RCAN1: variants seen among roughly 807,000 people sequenced by gnomAD.
RCAN1 encodes regulator of calcineurin 1, also known as calcipressin-1.
RCAN1 carries 11 observed loss-of-function variants against 22.9 expected under a neutral mutation model. The observed-to-expected ratio is 0.48, with a 90% confidence interval of 0.30 to 0.79. The LOEUF (loss-of-function observed/expected upper bound fraction) is 0.79. Among genes scored for constraint, RCAN1 ranks in the 30% least tolerant of loss-of-function variants. The probability of loss-of-function intolerance (pLI) is 0.06; values close to 1 mark genes in which losing one functional copy is unlikely to be tolerated. For missense variants in RCAN1, 291 were observed against 337.8 expected, an observed-to-expected ratio of 0.86 and a Z score of 1.09; for synonymous variants, 136 against 142.3, an observed-to-expected ratio of 0.96 and a Z score of 0.32.
At chr21:34,568,313 C>T (rs570885561) in intron 1 of RCAN1, among the ~76,000 whole-genome samples, 2 of 152,236 alleles carry the variant, frequency 1.3e-5, no homozygotes, top group African/African-American at 4.8e-5. Context: ...TGCAAATCTC[C>T]CCCCTGCCTC....
At chr21:34,596,229 A>G (rs1988147552) in intron 1 of RCAN1, among the ~76,000 whole-genome samples, 1 of 152,126 alleles carries the variant, frequency 6.6e-6, no homozygotes, top group South Asian at 2.1e-4. Context: ...GGCCTTCTTA[A>G]CCTCTAAGCT....
At chr21:34,548,932 G>T (rs941977022) in intron 1 of RCAN1, among the ~76,000 whole-genome samples, 1 of 152,116 alleles carries the variant, frequency 6.6e-6, no homozygotes, top group African/African-American at 2.4e-5. Context: ...TATTTTGTGC[G>T]CTTGTTTCTT....
At position 34,521,621 on chromosome 21, in the gene RCAN1, T is replaced by C; in HGVS notation, c.464A>G (p.Asn155Ser). The C allele has an allele frequency of 6.2e-7, 1 of 1,613,880 alleles. No homozygotes were observed. Among genetic ancestry groups the C allele is most frequent in the Non-Finnish European group, 8.5e-7 (1 of 1,179,872 alleles). ...GGAGATCAGAAACTGCTTGTCTGGA[T>C]TTGGCGGAGCCAGGTGTGAGCTTCC... ...HIGSSHLAPP[N>S]PDKQFLISPP... Residue 155 changes from asparagine (N) to serine (S), a missense_variant, in exon 3 of 4, where the codon AAT becomes AGT. Physicochemically the swap from Asn to Ser is conservative, Grantham distance 46 (BLOSUM62 1). Transcript: ENST00000313806.
At chr21:34,579,343 C>A (rs981059886) in intron 1 of RCAN1, among the ~76,000 whole-genome samples, 2 of 152,130 alleles carry the variant, frequency 1.3e-5, no homozygotes, top group Admixed American at 6.5e-5. Flanking sequence ...GCAGAGGCTG[C>A]AGTGAGCTGA....
rs143577072 is a variant in RCAN1, at chr21:34,567,303, A to T, written c.253-43593T>A. On this transcript the variant is annotated intron_variant, in intron 1 of 3. Coordinates refer to ENST00000313806, the MANE Select transcript of RCAN1 (RefSeq NM_004414.7). ...GAGGTCAGGAGAATCGAGACCATCC[A>T]GGCTAACATGGTGAAACCCTATCTC... Among the ~76,000 whole-genome samples the T allele has an allele frequency of 7.5e-3, 1,142 of 152,292 alleles. 12 individuals are homozygous for T. Among genetic ancestry groups the T allele is most frequent in the African/African-American group, 0.025 (1,054 of 41,570 alleles).
At chr21:34,537,003 A>G (rs527338130) in intron 1 of RCAN1, among the ~76,000 whole-genome samples, 1 of 152,332 alleles carries the variant, frequency 6.6e-6, no homozygotes, top group East Asian at 1.9e-4. Context: ...CCAACAGGGC[A>G]CTGCAAACGC....
At position 34,601,921 on chromosome 21, in the gene RCAN1, T is replaced by C. The variant is rs1236239169; in HGVS notation, c.252+12839A>G. ...ATAGACACCTTCACACTCACTGCAC[T>C]CTCAGCTGAGCCATGAAAATTACTA... On this transcript the variant is annotated intron_variant, in intron 1 of 3. Transcript: ENST00000313806. 2.6e-5 allele frequency among the ~76,000 whole-genome samples: 4 copies of C among 151,544 alleles called. No homozygotes were observed. In the East Asian group the frequency reaches 7.8e-4, roughly 29 times the overall value.
intron 1 of RCAN1, among the ~76,000 whole-genome samples, chr21:34,603,101 G>T (rs1273989165): frequency 6.6e-6 from 1 of 151,544 alleles, no homozygotes; most frequent in East Asian, 2.0e-4. Context: ...TATAATAATA[G>T]CTTCTCTGCA....
At chr21:34,526,557 C>T in intron 1 of RCAN1, 2 of 1,185,680 alleles carry the variant, frequency 1.7e-6, no homozygotes, top group Non-Finnish European at 2.3e-6. Flanking sequence ...TTTCAAAACC[C>T]CCAAACCCAC....
At position 34,563,711 on chromosome 21, in the gene RCAN1, C is replaced by T. The variant is rs555311093; in HGVS notation, c.253-40001G>A. On this transcript the variant is annotated intron_variant, in intron 1 of 3. Coordinates refer to ENST00000313806, the MANE Select transcript of RCAN1 (RefSeq NM_004414.7). ...ATCACTTGATGTCAGGAGTTCCAGA[C>T]CAGCCTGGCCAACATGGTGAAACCC... Among the ~76,000 whole-genome samples, 121 of 145,934 alleles carry T rather than the reference C, an allele frequency of 8.3e-4. 1 individual carries two copies. The highest frequency in any genetic ancestry group is 1.5e-3 in the Non-Finnish European group (99 of 67,080).
intron 2 of RCAN1, 112 bp from the exon 3 acceptor site, chr21:34,521,770 G>T: frequency 1.2e-6 from 1 of 853,316 alleles, no homozygotes; most frequent in Non-Finnish European, 1.8e-6. Context: ...CAGGCGTCAG[G>T]ACAGGTGTGA....
At chr21:34,607,799 C>T (rs944227572) in intron 1 of RCAN1, among the ~76,000 whole-genome samples, 12 of 152,196 alleles carry the variant, frequency 7.9e-5, no homozygotes, top group Non-Finnish European at 1.5e-4. Flanking sequence ...CGCCAACCTC[C>T]GGACCACAGA....
chr21:34,519,397 C>CTTTTTTTTTTTTTTTTTTTT (rs34152667), intron 3 of RCAN1, among the ~76,000 whole-genome samples: 2 of 102,786 alleles, frequency 1.9e-5, no homozygotes, highest in African/African-American at 3.7e-5. Flanking sequence ...TTCTTTCTTT[C>CTTTTTTTTTTTTTTTTTTTT]TTTTTTTTTT....
chr21:34,609,462 C>T (rs572289701), intron 1 of RCAN1, among the ~76,000 whole-genome samples: 3 of 152,294 alleles, frequency 2.0e-5, no homozygotes, highest in South Asian at 2.1e-4. Flanking sequence ...AGGAGTGATG[C>T]GTTCTCAGAC....
At chr21:34,580,594 G>C (rs760274884) in intron 1 of RCAN1, among the ~76,000 whole-genome samples, 2 of 152,236 alleles carry the variant, frequency 1.3e-5, no homozygotes, top group Non-Finnish European at 2.9e-5. Context: ...GGCCAGGCAG[G>C]CTCCTTGGAG....
intron 1 of RCAN1, among the ~76,000 whole-genome samples, chr21:34,534,570 G>A (rs2834505): frequency 0.36 from 55,363 of 151,958 alleles, 11,225 homozygotes; most frequent in African/African-American, 0.56. Context: ...ACCAAAATTC[G>A]GAGAACTGCA....
intron 2 of RCAN1, chr21:34,521,900 G>C (rs750706602): frequency 2.0e-6 from 1 of 508,836 alleles, no homozygotes; most frequent in Non-Finnish European, 3.5e-6. Flanking sequence ...CAGGCACAGG[G>C]ACTGCAAATA....
chr21:34,566,659 C>A (rs1044777926), intron 1 of RCAN1, among the ~76,000 whole-genome samples: 1 of 152,124 alleles, frequency 6.6e-6, no homozygotes. Context: ...GTGTTGCTCT[C>A]AGGGAATACC....
intron 1 of RCAN1, among the ~76,000 whole-genome samples, chr21:34,565,356 G>A (rs1262966725): frequency 6.6e-6 from 1 of 152,220 alleles, no homozygotes; most frequent in Admixed American, 6.5e-5. Context: ...TTTGAGAAGT[G>A]CTAACTAAAG....
Sources: allele counts gnomAD v4.1 joint callset (sites outside exome capture counted in the v4.1 genomes callset), GRCh38; gene constraint gnomAD v4.1.1; transcripts MANE v1.5; gene names NCBI Gene and HGNC (gene_info 2026-07-23, HGNC 2026-07-21).